The following EDIL3 variants were observed in gnomAD, a reference collection of about 807,000 sequenced individuals.
EDIL3 encodes the protein EGF like and discoidin domains 3.
In EDIL3, 37 loss-of-function variants were observed where a neutral mutation model predicts 67.4. The observed-to-expected ratio is 0.55, with a 90% CI of 0.42 to 0.72. EDIL3 has a LOEUF of 0.72. Ranked by LOEUF, EDIL3 falls within the 30% of genes least tolerant of loss-of-function variation. The pLI, the probability that EDIL3 is intolerant of heterozygous loss-of-function variation, is 0.00. For synonymous variants in EDIL3, 195 were observed against 196.3 expected (o/e 0.99, Z 0.05); for missense variants, 527 against 586.3 (o/e 0.90, Z 1.04).
chr5:84,227,919 A>G (rs1318560478), intron 3 of EDIL3, among the ~76,000 whole-genome samples: 2 of 152,086 alleles, frequency 1.3e-5, no homozygotes, highest in Admixed American at 6.6e-5. Flanking sequence ...GCAGACTACT[A>G]GAGAGTGGAG....
chr5:84,084,676 A>C (rs1458867408), intron 6 of EDIL3, among the ~76,000 whole-genome samples: 3 of 152,214 alleles, frequency 2.0e-5, no homozygotes, highest in African/African-American at 7.2e-5. Context: ...GAGTCCAAAC[A>C]CTATGCTAGA....
intron 1 of EDIL3, among the ~76,000 whole-genome samples, chr5:84,325,521 C>T (rs1437610559): frequency 6.6e-6 from 1 of 151,894 alleles, no homozygotes; most frequent in Admixed American, 6.6e-5. Flanking sequence ...AACTGCAACC[C>T]TTGTGTACTG....
At chr5:84,151,200 G>A (rs528680081) in intron 4 of EDIL3, among the ~76,000 whole-genome samples, 1 of 151,526 alleles carries the variant, frequency 6.6e-6, no homozygotes, top group Admixed American at 6.6e-5. Context: ...CCTTCAAAAA[G>A]TGATTTTTAT....
At chr5:84,362,552 T>A (rs1289253612) in intron 1 of EDIL3, among the ~76,000 whole-genome samples, 1 of 152,158 alleles carries the variant, frequency 6.6e-6, no homozygotes, top group Non-Finnish European at 1.5e-5. Flanking sequence ...ACATTGATAA[T>A]GCCAACATAA....
intron 1 of EDIL3, among the ~76,000 whole-genome samples, chr5:84,262,624 A>G (rs192840689): frequency 3.0e-4 from 45 of 147,624 alleles, no homozygotes; most frequent in Non-Finnish European, 4.2e-4. Flanking sequence ...TAACCAGGAA[A>G]TTCAACCATA....
chr5:84,223,416 C>T (rs542219079), intron 3 of EDIL3, among the ~76,000 whole-genome samples: 93 of 151,566 alleles, frequency 6.1e-4, no homozygotes, highest in Non-Finnish European at 2.1e-4. Flanking sequence ...AGATAAGAAA[C>T]TTATATAATG....
intron 4 of EDIL3, among the ~76,000 whole-genome samples, chr5:84,156,479 C>T (rs1470887212): frequency 6.6e-6 from 1 of 152,150 alleles, no homozygotes; most frequent in Non-Finnish European, 1.5e-5. Context: ...CACTGGGGTG[C>T]TAATAGTCCC....
At chr5:84,292,576 T>A (rs1449292307) in intron 1 of EDIL3, among the ~76,000 whole-genome samples, 1 of 152,192 alleles carries the variant, frequency 6.6e-6, no homozygotes, top group African/African-American at 2.4e-5. Flanking sequence ...TGTTTATTGT[T>A]AATGTTTGAA....
intron 5 of EDIL3, among the ~76,000 whole-genome samples, chr5:84,121,007 C>G (rs770327981): frequency 6.6e-6 from 1 of 151,894 alleles, no homozygotes; most frequent in Non-Finnish European, 1.5e-5. Context: ...GAGGGGATTA[C>G]TATAAAATGA....
intron 5 of EDIL3, among the ~76,000 whole-genome samples, chr5:84,112,010 T>C (rs1331295744): frequency 6.6e-6 from 1 of 152,044 alleles, no homozygotes; most frequent in Non-Finnish European, 1.5e-5. Flanking sequence ...AACAGGCTGC[T>C]ATGATGAGGG....
chr5:84,011,473 G>A (rs947316562), intron 9 of EDIL3, among the ~76,000 whole-genome samples: 2 of 152,068 alleles, frequency 1.3e-5, no homozygotes, highest in African/African-American at 2.4e-5. Context: ...TGATCTTGCC[G>A]TTTCTACTCT....
intron 6 of EDIL3, among the ~76,000 whole-genome samples, chr5:84,069,299 G>T (rs187912769): frequency 6.6e-6 from 1 of 152,214 alleles, no homozygotes; most frequent in Non-Finnish European, 1.5e-5. Flanking sequence ...ATGATAATCT[G>T]AATCTAGAAT....
chr5:84,225,881 C>A (rs954293716), intron 3 of EDIL3, among the ~76,000 whole-genome samples: 5 of 151,516 alleles, frequency 3.3e-5, no homozygotes, highest in African/African-American at 1.2e-4. Context: ...TAGATTTGTT[C>A]AAAAAATTAT....
chr5:84,106,932 G>C, intron 5 of EDIL3, 102 bp from the exon 6 acceptor site: 1 of 1,244,400 alleles, frequency 8.0e-7, no homozygotes, highest in South Asian at 1.6e-5. Flanking sequence ...ATTTGAATTT[G>C]CACCACCATG....
intron 4 of EDIL3, among the ~76,000 whole-genome samples, chr5:84,168,271 T>A (rs1432875423): frequency 3.3e-5 from 5 of 152,144 alleles, no homozygotes; most frequent in African/African-American, 4.8e-5. Flanking sequence ...TTTACATACT[T>A]CTGTTATGTT....
intron 1 of EDIL3, among the ~76,000 whole-genome samples, chr5:84,268,518 C>T (rs1222962653): frequency 3.3e-5 from 5 of 152,170 alleles, no homozygotes; most frequent in Admixed American, 1.3e-4. Flanking sequence ...ATATGAACTA[C>T]TTCCTTCAGC....
At chr5:84,208,280 A>C (rs1352684907) in intron 3 of EDIL3, among the ~76,000 whole-genome samples, 7 of 152,202 alleles carry the variant, frequency 4.6e-5, no homozygotes, top group Non-Finnish European at 1.0e-4. Flanking sequence ...TTATGCAGCC[A>C]AAAGACACAT....
intron 1 of EDIL3, among the ~76,000 whole-genome samples, chr5:84,375,255 C>T (rs914358251): frequency 1.3e-5 from 2 of 152,156 alleles, no homozygotes; most frequent in African/African-American, 4.8e-5. Context: ...CAGGCATGTG[C>T]CACTGCGCCC....
intron 9 of EDIL3, among the ~76,000 whole-genome samples, chr5:84,037,812 T>C (rs1245338465): frequency 3.3e-5 from 5 of 152,092 alleles, no homozygotes; most frequent in Non-Finnish European, 5.9e-5. Context: ...AAATAGTGGA[T>C]AGACTTTTCT....
Sources: gnomAD v4.1 joint callset for allele counts (sites outside exome capture counted in the v4.1 genomes callset) on GRCh38, gnomAD v4.1.1 for gene constraint, MANE v1.5 for transcripts, NCBI Gene and HGNC (gene_info 2026-07-23, HGNC 2026-07-21) for gene names.